The following COL9A3 variants were observed in gnomAD, a reference collection of about 807,000 sequenced individuals.
COL9A3 encodes the protein collagen alpha-3(IX) chain.
Under a neutral mutation model 110.2 loss-of-function variants are expected in COL9A3, and 82 were observed. The ratio of observed to expected loss-of-function variants is 0.74; its 90% CI spans 0.62 to 0.89. The LOEUF is 0.89. Among genes scored for constraint, COL9A3 ranks in the 40% least tolerant of loss-of-function variants. The pLI is 0.00. For synonymous variants in COL9A3, 494 were observed against 403.8 expected (o/e 1.22, Z -2.68); for missense variants, 1,066 against 981.3 (o/e 1.09, Z -1.15).
intron 1 of COL9A3, 188 bp downstream of exon 1, chr20:62,817,330 G>A (rs1600785006): frequency 6.0e-6 from 3 of 500,362 alleles, no homozygotes; most frequent in Non-Finnish European, 9.8e-6. Flanking sequence ...TCGCTGGCCC[G>A]GGTCGGCCGG....
intron 26 of COL9A3, among the ~76,000 whole-genome samples, chr20:62,835,436 G>T (rs1317622155): frequency 6.6e-6 from 1 of 152,226 alleles, no homozygotes; most frequent in Non-Finnish European, 1.5e-5. Flanking sequence ...ACTCCGGAGA[G>T]CCGAGCTCTC....
In COL9A3 at chr20:62,836,181, C is replaced by G; in HGVS notation, c.1402-6C>G. On this transcript the variant is annotated splice_region_variant and splice_polypyrimidine_tract_variant and intron_variant, in intron 27 of 31. Coordinates refer to ENST00000649368, the MANE Select transcript of COL9A3 (RefSeq NM_001853.4). Reference sequence around the variant, plus strand: ...CCCTGACCCACCTTCCTCTGTTCCTCTGCAGTCTGGCAGTCGAGGGGAGCT... The same window carrying G: ...CCCTGACCCACCTTCCTCTGTTCCTGTGCAGTCTGGCAGTCGAGGGGAGCT... 2 of 1,613,110 alleles carry G rather than the reference C, an allele frequency of 1.2e-6. No individual in the cohort carries two copies. Among genetic ancestry groups the G allele is most frequent in the Non-Finnish European group, 1.7e-6 (2 of 1,179,894 alleles).
At chr20:62,827,383 G>T in intron 16 of COL9A3, 89 bp downstream of exon 16, 1 of 1,414,392 alleles carries the variant, frequency 7.1e-7, no homozygotes, top group South Asian at 1.2e-5. Flanking sequence ...GGACACACTT[G>T]GGAGTGAGAC....
intron 3 of COL9A3, 80 bp from the exon 4 acceptor site, chr20:62,819,142 A>G (rs1363574542): frequency 7.2e-7 from 1 of 1,386,026 alleles, no homozygotes; most frequent in Non-Finnish European, 1.0e-6. Flanking sequence ...GGGAAGTGGA[A>G]AGCATTTTGC....
At chr20:62,825,093 GGGCTCCGGCGGGA>G (rs2063540754) in intron 12 of COL9A3, 72 bp downstream of exon 12, 2 of 679,034 alleles carry the variant, frequency 2.9e-6, no homozygotes, top group African/African-American at 1.9e-5. Flanking sequence ...GGGAGGGGCT[GGGCTCCGGCGGGA>G]GGGAGGGGCT....
chr20:62,827,724 G>T (rs2063565163), intron 16 of COL9A3, among the ~76,000 whole-genome samples, 199 bp from the exon 17 acceptor site: 1 of 152,236 alleles, frequency 6.6e-6, no homozygotes, highest in Admixed American at 6.5e-5. Flanking sequence ...AGTGCAGGGA[G>T]CCGCCGTGCC....
chr20:62,836,160 G>T (rs775922803), intron 27 of COL9A3, 27 bp from the exon 28 acceptor site: 6 of 1,611,454 alleles, frequency 3.7e-6, no homozygotes, highest in Non-Finnish European at 5.1e-6. Flanking sequence ...GCTCGCCCCT[G>T]ACCCACCTTC....
chr20:62,836,945 C>A, intron 29 of COL9A3, 138 bp from the exon 30 acceptor site: 1 of 1,134,644 alleles, frequency 8.8e-7, no homozygotes, highest in Non-Finnish European at 1.3e-6. Flanking sequence ...CACCCCAAAG[C>A]AGTTAAACCA....
At chr20:62,833,458 C>T (rs926784871) in intron 26 of COL9A3, among the ~76,000 whole-genome samples, 2 of 152,192 alleles carry the variant, frequency 1.3e-5, no homozygotes, top group African/African-American at 2.4e-5. Flanking sequence ...GGCTGGAGTG[C>T]AGTGGCGCGA....
At chr20:62,839,657 TCC>T (rs2063659883) in intron 31 of COL9A3, among the ~76,000 whole-genome samples, 1 of 140,872 alleles carries the variant, frequency 7.1e-6, no homozygotes, top group African/African-American at 2.7e-5. Flanking sequence ...TGGAGCCCTC[TCC>T]TCTCCTCCAC....
intron 8 of COL9A3, 105 bp from the exon 9 acceptor site, chr20:62,822,006 T>TG (rs2063516851): frequency 2.4e-6 from 2 of 832,224 alleles, no homozygotes; most frequent in Middle Eastern, 2.3e-4. Context: ...TCCGTGGGAG[T>TG]GGGGGCTGGT....
intron 31 of COL9A3, among the ~76,000 whole-genome samples, 177 bp downstream of exon 31, chr20:62,838,938 A>G (rs1038671658): frequency 2.0e-5 from 3 of 152,200 alleles, no homozygotes; most frequent in Non-Finnish European, 2.9e-5. Flanking sequence ...TAAAAGTTTA[A>G]TCGGGGCTGG....
intron 4 of COL9A3, among the ~76,000 whole-genome samples, 154 bp from the exon 5 acceptor site, chr20:62,819,775 C>G (rs1012845288): frequency 6.6e-6 from 1 of 152,226 alleles, no homozygotes. Context: ...AGCAGGCAGA[C>G]AGTGGACAGG....
At position 62,824,446 on chromosome 20, in the gene COL9A3, G is replaced by A. The variant is rs2063534936; in HGVS notation, c.521G>A (p.Cys174Tyr). The change falls in exon 11 of 32, where the codon TGC (cysteine) becomes TAC (tyrosine). Residue 174 changes from cysteine to tyrosine, a missense_variant and splice_region_variant. By Grantham distance (194) the Cys-to-Tyr change is radical (BLOSUM62 -2). Coordinates refer to ENST00000649368, the MANE Select transcript of COL9A3 (RefSeq NM_001853.4). ...VLPEGATDLQ[C>Y]PSICPPGPPG... ...TCTGACTGCTCTGTTTTCCGACAGT[G>A]CCCAAGTATCTGCCCGCCAGGTCCC... 6.2e-7 allele frequency: 1 copy of A among 1,601,478 alleles called. No homozygotes were observed. The highest frequency in any genetic ancestry group is 8.5e-7 in the Non-Finnish European group (1 of 1,174,622).
Position 62,830,531 on chromosome 20 carries a change from C to T in COL9A3, c.1230C>T (p.Ser410=), listed in dbSNP as rs764957912. 16 of 1,608,754 alleles carry T rather than the reference C, an allele frequency of 9.9e-6. No individual in the cohort carries two copies. Among genetic ancestry groups the T allele is most frequent in the Admixed American group, 3.4e-5 (2 of 59,584 alleles). Reference sequence around the variant, plus strand: ...TCCTTCCCCAGGGCCAGAAGGGCAGCATGGGAGACCCCGGCCTTCCAGGCC... The same window carrying T: ...TCCTTCCCCAGGGCCAGAAGGGCAGTATGGGAGACCCCGGCCTTCCAGGCC... ...GVRGFQGQKG[S]MGDPGLPGPQ... Residue 410 remains serine (S), a synonymous_variant, in exon 24 of 32, where the codon AGC becomes AGT. Coordinates refer to ENST00000649368, the MANE Select transcript of COL9A3 (RefSeq NM_001853.4).
chr20:62,817,880 C>A, intron 2 of COL9A3: 1 of 644,046 alleles, frequency 1.6e-6, no homozygotes, highest in Non-Finnish European at 2.9e-6. Flanking sequence ...GTGTGTGTCT[C>A]TGGGTCCCCT....
At chr20:62,821,878 CA>C (rs2063515956) in intron 8 of COL9A3, 68 bp downstream of exon 8, 1 of 890,814 alleles carries the variant, frequency 1.1e-6, no homozygotes, top group Admixed American at 1.9e-5. Flanking sequence ...ACTCAACAGC[CA>C]GGGGCTCCCT....
chr20:62,836,063 G>A lies in COL9A3; in HGVS notation c.1401+110G>A, dbSNP rs983317321. On this transcript the variant is annotated intron_variant, in intron 27 of 31. Coordinates refer to ENST00000649368, the MANE Select transcript of COL9A3 (RefSeq NM_001853.4). ...GCAGGGCACTGCCCAGATCCGAGAT[G>A]TAAAAAAGCTTGCTCTGGTCAAGGC... 4 of 1,606,782 alleles carry A rather than the reference G, an allele frequency of 2.5e-6. No individual in the cohort carries two copies. In the African/African-American group the frequency reaches 4.0e-5, roughly 16 times the overall value.
rs768298010 is a variant in COL9A3 at position 62,819,256 on chromosome 20, C to T, written c.218C>T (p.Pro73Leu). The T allele has an allele frequency of 6.1e-5, 98 of 1,612,548 alleles. No individual in the cohort carries two copies. The highest frequency in any genetic ancestry group is 8.1e-5 in the Non-Finnish European group (95 of 1,179,972). Reference sequence around the variant, plus strand: ...GGGGCCCCAGGAAAGCCGGGGAAACCAGGAGAGGCTGGGCTGCCGGGACTG... The same window carrying T: ...GGGGCCCCAGGAAAGCCGGGGAAACTAGGAGAGGCTGGGCTGCCGGGACTG... ...PKGAPGKPGK[P>L]GEAGLPGLPG... is the part of the protein sequence containing the mutation. The change falls in exon 4 of 32, where the codon CCA (proline) becomes CTA (leucine). Residue 73 changes from proline (P) to leucine (L), a missense_variant. Transcript: ENST00000649368.
Sources: allele counts gnomAD v4.1 joint callset (sites outside exome capture counted in the v4.1 genomes callset), GRCh38; gene constraint gnomAD v4.1.1; transcripts MANE v1.5; gene names NCBI Gene and HGNC (gene_info 2026-07-23, HGNC 2026-07-21).